NGLY1: variants seen among roughly 807,000 people sequenced by gnomAD.
The protein encoded by NGLY1 is peptide-N(4)-(N-acetyl-beta-glucosaminyl)asparagine amidase.
A neutral mutation model predicts 84.6 loss-of-function variants in NGLY1; 68 were observed. That is an observed-to-expected ratio of 0.80 (90% CI 0.66 to 0.98). The LOEUF (loss-of-function observed/expected upper bound fraction) is 0.98. Among genes scored for constraint, NGLY1 ranks in the 50% least tolerant of loss-of-function variants. The pLI is 0.00. For missense variants in NGLY1, 779 were observed against 770.2 expected, an observed-to-expected ratio of 1.01 and a Z score of -0.14; for synonymous variants, 280 against 275.2, an observed-to-expected ratio of 1.02 and a Z score of -0.17.
rs184933972 is a variant in NGLY1 at position 25,756,476 on chromosome 3, C to A, written c.493-5213G>T. ...TTTTATGCCTGTTGAGCTTTCTGTG[C>A]TTTTGACAGGTAGTTTTGGGTCAGT... On this transcript the variant is annotated intron_variant, in intron 3 of 11. Coordinates refer to ENST00000280700, the MANE Select transcript of NGLY1 (RefSeq NM_018297.4). Among the ~76,000 whole-genome samples the A allele has an allele frequency of 2.0e-3, 299 of 152,268 alleles. 2 individuals are homozygous for A. Among genetic ancestry groups the A allele is most frequent in the South Asian group, 7.5e-3 (36 of 4,820 alleles).
intron 1 of NGLY1, among the ~76,000 whole-genome samples, chr3:25,781,240 C>T (rs1399374687): frequency 2.6e-5 from 4 of 152,258 alleles, no homozygotes; most frequent in South Asian, 2.1e-4. Flanking sequence ...TGTGAGCCAC[C>T]GTGCCCAGTG....
At chr3:25,767,000 A>G (rs1707611432) in intron 2 of NGLY1, among the ~76,000 whole-genome samples, 1 of 152,194 alleles carries the variant, frequency 6.6e-6, no homozygotes, top group African/African-American at 2.4e-5. Flanking sequence ...ATATTTTAAG[A>G]AATCAAAAAG....
chr3:25,746,114 A>G (rs1706411259), intron 4 of NGLY1, among the ~76,000 whole-genome samples: 1 of 152,162 alleles, frequency 6.6e-6, no homozygotes, highest in Non-Finnish European at 1.5e-5. Context: ...GTTTCAGCCT[A>G]CTTGATCTTC....
intron 1 of NGLY1, among the ~76,000 whole-genome samples, chr3:25,780,146 G>A (rs533257953): frequency 6.6e-6 from 1 of 152,162 alleles, no homozygotes; most frequent in Non-Finnish European, 1.5e-5. Context: ...ACAGATGGTT[G>A]TGAAATACAA....
chr3:25,771,490 T>G (rs1489627932), intron 2 of NGLY1, among the ~76,000 whole-genome samples: 1 of 152,182 alleles, frequency 6.6e-6, no homozygotes, highest in Non-Finnish European at 1.5e-5. Context: ...TCCAGATTTG[T>G]TTTTTGGTTA....
rs542626519 is a variant in NGLY1 at position 25,762,962 on chromosome 3, AG to A, written c.492+1103del. Among the ~76,000 whole-genome samples the A allele has an allele frequency of 1.9e-3, 293 of 152,246 alleles. 3 individuals carry two copies. The highest frequency in any genetic ancestry group is 6.7e-3 in the African/African-American group (277 of 41,554). On this transcript the variant is annotated intron_variant, in intron 3 of 11. Transcript: ENST00000280700. ...AGAGTGAAACTCCGTCTCAAAAAGA[AG>A]AAAAAACAAAAATTAGCCAGGAGAG... is the stretch of plus-strand genomic sequence containing the variant.
intron 4 of NGLY1, 113 bp downstream of exon 4, chr3:25,750,985 T>C: frequency 9.9e-7 from 1 of 1,013,210 alleles, no homozygotes; most frequent in Non-Finnish European, 1.4e-6. Flanking sequence ...CACATATAAG[T>C]GGACCCATGC....
chr3:25,749,732 G>A lies in NGLY1; in HGVS notation c.658+1366C>T, dbSNP rs995017276. 1.8e-5 allele frequency: 29 copies of A among 1,578,538 alleles called. No homozygotes were observed. In the East Asian group the frequency reaches 4.7e-4, roughly 26 times the overall value. The stretch of plus-strand genomic sequence containing the variant: ...CTTCCAGAAGTTCCTGGTCCACAAC[G>A]TCAAGGAGCTTGAAGTGCTGCTGAT... On this transcript the variant is annotated intron_variant, in intron 4 of 11. Transcript: ENST00000280700.
At chr3:25,723,955 T>A (rs185561335) in intron 10 of NGLY1, among the ~76,000 whole-genome samples, 1 of 152,332 alleles carries the variant, frequency 6.6e-6, no homozygotes, top group East Asian at 1.9e-4. Context: ...TAAGCACATA[T>A]GAGCATATAC....
exon 1 of NGLY1, chr3:25,790,003 GGAAA>G (rs1708690530): frequency 9.3e-7 from 1 of 1,074,878 alleles, no homozygotes; most frequent in South Asian, 1.4e-5. Context: ...GTCAACCGGC[GGAAA>G]GAGAGTCGAA....
chr3:25,732,320 T>C lies in NGLY1; in HGVS notation c.1424A>G (p.Gln475Arg). The part of the protein sequence containing the change: ...WRVARGEMGL[Q>R]RKETLFIPCE... ...ATCATGCTAGAATGAATTAAATACC[T>C]GTAGACCCATTTCACCTCGGGCTAC... is the stretch of plus-strand genomic sequence containing the variant. The change falls in exon 9 of 12, where the codon CAG becomes CGG. Residue 475 changes from glutamine to arginine, a missense_variant and splice_region_variant. Physicochemically the swap from Gln to Arg is conservative, Grantham distance 43 (BLOSUM62 1). Coordinates refer to ENST00000280700, the MANE Select transcript of NGLY1 (RefSeq NM_018297.4). 1 of 1,613,320 alleles carries C rather than the reference T, an allele frequency of 6.2e-7. No homozygotes were observed.
intron 2 of NGLY1, among the ~76,000 whole-genome samples, chr3:25,773,823 T>A (rs1035961207): frequency 2.0e-5 from 3 of 152,204 alleles, no homozygotes; most frequent in Non-Finnish European, 2.9e-5. Flanking sequence ...CTTGATGTGG[T>A]GCTCTTCCCT....
intron 2 of NGLY1, among the ~76,000 whole-genome samples, chr3:25,766,666 ATC>A: frequency 6.6e-6 from 1 of 152,198 alleles, no homozygotes; most frequent in African/African-American, 2.4e-5. Flanking sequence ...GAAACCAGAC[ATC>A]TGGTTTAAAA....
At chr3:25,756,576 A>T (rs1707046955) in intron 3 of NGLY1, among the ~76,000 whole-genome samples, 1 of 152,224 alleles carries the variant, frequency 6.6e-6, no homozygotes, top group Admixed American at 6.5e-5. Flanking sequence ...GAGATGCTAT[A>T]GGTTAAAATT....
At chr3:25,734,802 T>C (rs887287101) in intron 7 of NGLY1, 1 of 943,642 alleles carries the variant, frequency 1.1e-6, no homozygotes. Context: ...AGTTGATAGT[T>C]TAACCAGAAA....
intron 4 of NGLY1, among the ~76,000 whole-genome samples, chr3:25,740,996 T>C (rs989373549): frequency 2.0e-5 from 3 of 151,800 alleles, no homozygotes; most frequent in Admixed American, 6.6e-5. Context: ...GGTTTGGTGG[T>C]AGGTGCCTGT....
chr3:25,736,330 T>C (rs1705821265), intron 6 of NGLY1, 181 bp from the exon 7 acceptor site: 1 of 1,551,424 alleles, frequency 6.4e-7, no homozygotes, highest in South Asian at 1.2e-5. Context: ...TCTGTCTCTT[T>C]GAAATCCTTA....
At chr3:25,774,067 T>A (rs1390610571) in intron 2 of NGLY1, among the ~76,000 whole-genome samples, 1 of 152,172 alleles carries the variant, frequency 6.6e-6, no homozygotes, top group Non-Finnish European at 1.5e-5. Context: ...CAGTTTTGTT[T>A]AGTGTGTTGG....
At chr3:25,773,320 A>C (rs1195106068) in intron 2 of NGLY1, among the ~76,000 whole-genome samples, 1 of 152,068 alleles carries the variant, frequency 6.6e-6, no homozygotes, top group South Asian at 2.1e-4. Context: ...GGCTTTGATC[A>C]TTTTTAAAAT....
Sources: allele counts gnomAD v4.1 joint callset (sites outside exome capture counted in the v4.1 genomes callset), GRCh38; gene constraint gnomAD v4.1.1; transcripts MANE v1.5; gene names NCBI Gene and HGNC (gene_info 2026-07-23, HGNC 2026-07-21).